PSD3: variants seen among roughly 807,000 people sequenced by gnomAD.
PSD3 encodes the protein PH and SEC7 domain-containing protein 3.
A neutral mutation model predicts 105.5 loss-of-function variants in PSD3; 49 were observed. That is an observed-to-expected ratio of 0.46 (90% CI 0.37 to 0.59). PSD3 has a LOEUF of 0.59. Ranked by LOEUF, PSD3 falls within the 20% of genes least tolerant of loss-of-function variation. The pLI is 0.00. For missense variants in PSD3, 1,561 were observed against 1,263.8 expected, an observed-to-expected ratio of 1.24 and a Z score of -3.57; for synonymous variants, 557 against 457.8, an observed-to-expected ratio of 1.22 and a Z score of -2.77.
intron 2 of PSD3, among the ~76,000 whole-genome samples, chr8:18,921,146 G>A (rs937509899): frequency 8.5e-5 from 13 of 152,090 alleles, no homozygotes; most frequent in Non-Finnish European, 1.8e-4. Context: ...GCATTTTCCT[G>A]TTGACATATT....
intron 15 of PSD3, among the ~76,000 whole-genome samples, chr8:18,550,549 C>T (rs1020243581): frequency 6.6e-6 from 1 of 152,150 alleles, no homozygotes; most frequent in Non-Finnish European, 1.5e-5. Flanking sequence ...ATTTACACCA[C>T]CTAACCTACT....
At chr8:19,052,035 C>T (rs1828547021) in intron 1 of PSD3, among the ~76,000 whole-genome samples, 1 of 152,132 alleles carries the variant, frequency 6.6e-6, no homozygotes, top group Non-Finnish European at 1.5e-5. Flanking sequence ...TGCCAGGGTC[C>T]ACAATTTGCC....
intron 12 of PSD3, among the ~76,000 whole-genome samples, chr8:18,582,602 T>G (rs1463600472): frequency 6.6e-6 from 1 of 152,092 alleles, no homozygotes; most frequent in African/African-American, 2.4e-5. Context: ...TCTGGCCCCT[T>G]CATTGGCTCC....
intron 9 of PSD3, among the ~76,000 whole-genome samples, chr8:18,674,909 G>C (rs922361360): frequency 6.6e-6 from 1 of 152,086 alleles, no homozygotes; most frequent in African/African-American, 2.4e-5. Flanking sequence ...GTGGAGGCAT[G>C]AGGATTATAT....
intron 1 of PSD3, among the ~76,000 whole-genome samples, chr8:19,078,148 G>T (rs553732926): frequency 1.1e-3 from 166 of 151,892 alleles, no homozygotes; most frequent in Non-Finnish European, 1.9e-3. Flanking sequence ...TTCCTTCCTC[G>T]GCCTCCCAAA....
chr8:18,693,393 T>G (rs1563176160), intron 9 of PSD3, among the ~76,000 whole-genome samples: 1 of 152,220 alleles, frequency 6.6e-6, no homozygotes, highest in Non-Finnish European at 1.5e-5. Flanking sequence ...ATATCTTGGC[T>G]TTGTCATTGA....
intron 9 of PSD3, among the ~76,000 whole-genome samples, chr8:18,747,413 T>C (rs1805117530): frequency 6.6e-6 from 1 of 152,186 alleles, no homozygotes; most frequent in Non-Finnish European, 1.5e-5. Flanking sequence ...GAAGTGGACA[T>C]GACTGACATA....
chr8:18,869,008 G>A (rs2129456904), intron 3 of PSD3, among the ~76,000 whole-genome samples: 1 of 152,176 alleles, frequency 6.6e-6, no homozygotes, highest in South Asian at 2.1e-4. Flanking sequence ...CACATTCCCA[G>A]GTATTACTGG....
intron 11 of PSD3, among the ~76,000 whole-genome samples, chr8:18,620,787 A>G (rs1228980516): frequency 1.3e-5 from 2 of 152,214 alleles, no homozygotes; most frequent in African/African-American, 2.4e-5. Flanking sequence ...TTTTGCATAT[A>G]CATTCTTATC....
intron 1 of PSD3, among the ~76,000 whole-genome samples, chr8:19,069,620 A>G (rs1198187643): frequency 6.6e-6 from 1 of 152,230 alleles, no homozygotes; most frequent in Admixed American, 6.5e-5. Context: ...CGATTTAGTG[A>G]GAACGTTTTC....
chr8:19,052,177 G>T lies in PSD3; in HGVS notation c.324+32029C>A, dbSNP rs191918739. On this transcript the variant is annotated intron_variant, in intron 1 of 1. Transcript: ENST00000521475. ...TGAGAAAGTCAGAAAGTTCATTAAAGAAATACAGAAAAGTGGCCGGGCACG... is the reference window on the plus strand; with the variant it reads ...TGAGAAAGTCAGAAAGTTCATTAAATAAATACAGAAAAGTGGCCGGGCACG... 4.3e-3 allele frequency among the ~76,000 whole-genome samples: 661 copies of T among 152,228 alleles called. 2 individuals are homozygous for T. Among genetic ancestry groups the T allele is most frequent in the Non-Finnish European group, 5.7e-3 (389 of 68,008 alleles).
chr8:18,999,718 G>A (rs975747031), intron 1 of PSD3, among the ~76,000 whole-genome samples: 8 of 151,386 alleles, frequency 5.3e-5, no homozygotes, highest in African/African-American at 9.7e-5. Flanking sequence ...ATTCATGAAG[G>A]AAATACCTCT....
intron 2 of PSD3, among the ~76,000 whole-genome samples, chr8:18,893,603 G>A (rs925524387): frequency 4.7e-5 from 7 of 148,994 alleles, no homozygotes; most frequent in African/African-American, 1.5e-4. Flanking sequence ...ATGAATGAGG[G>A]TATCGGTGGG....
At chr8:18,908,186 T>C (rs1000887853) in intron 2 of PSD3, among the ~76,000 whole-genome samples, 50 of 152,154 alleles carry the variant, frequency 3.3e-4, no homozygotes, top group Non-Finnish European at 6.2e-4. Flanking sequence ...GAATGAATGA[T>C]TGGTTCAACA....
chr8:18,752,612 C>T lies in PSD3; in HGVS notation c.2172+12837G>A, dbSNP rs13254235. 7.6e-3 allele frequency among the ~76,000 whole-genome samples: 393 copies of T among 51,464 alleles called. 13 individuals carry two copies. Among genetic ancestry groups the T allele is most frequent in the Admixed American group, 0.043 (142 of 3,334 alleles). The allele number at this position is 51,464 out of a possible 152,430, so 33.8% of individuals were successfully genotyped here. A position where few individuals can be genotyped will look rare whatever the true frequency, so the allele number is the denominator to read the frequency against. Reference sequence around the variant, plus strand: ...TATATATTATATATTATATATAATACATATAATATATATTATATATAATAT... The same window carrying T: ...TATATATTATATATTATATATAATATATATAATATATATTATATATAATAT... On this transcript the variant is annotated intron_variant, in intron 9 of 15. Coordinates refer to ENST00000327040, the MANE Select transcript of PSD3 (RefSeq NM_015310.4).
intron 12 of PSD3, among the ~76,000 whole-genome samples, chr8:18,591,702 T>C (rs1803622099): frequency 6.6e-6 from 1 of 152,110 alleles, no homozygotes; most frequent in African/African-American, 2.4e-5. Flanking sequence ...AGAGTATGCA[T>C]CCAGCATTCT....
At chr8:18,695,191 G>A (rs974052) in intron 9 of PSD3, among the ~76,000 whole-genome samples, 136,231 of 152,170 alleles carry the variant, frequency 0.9, 61,546 homozygotes, top group Middle Eastern at 0.96. Context: ...GAGAGCTAAT[G>A]TTACAGTAAT....
intron 15 of PSD3, among the ~76,000 whole-genome samples, chr8:18,554,138 C>T (rs1490868197): frequency 3.9e-5 from 6 of 152,116 alleles, no homozygotes; most frequent in Non-Finnish European, 7.4e-5. Context: ...CTTGCAGCCA[C>T]CCCCCACCTC....
chr8:18,888,084 C>A (rs6994718), intron 2 of PSD3, among the ~76,000 whole-genome samples: 1 of 152,156 alleles, frequency 6.6e-6, no homozygotes, highest in African/African-American at 2.4e-5. Context: ...AGCTAAAGTG[C>A]CTCCAGGGGG....
Sources: allele counts gnomAD v4.1 joint callset (sites outside exome capture counted in the v4.1 genomes callset), GRCh38; gene constraint gnomAD v4.1.1; transcripts MANE v1.5; gene names NCBI Gene and HGNC (gene_info 2026-07-23, HGNC 2026-07-21).